The following TSG101 variants were observed in gnomAD, a reference collection of about 807,000 sequenced individuals.
The protein encoded by TSG101 is tumor susceptibility 101.
In TSG101, 19 loss-of-function variants were observed where a neutral mutation model predicts 48.5. The ratio of observed to expected loss-of-function variants is 0.39; its 90% CI spans 0.27 to 0.58. The LOEUF is 0.58. Among genes scored for constraint, TSG101 ranks in the 20% least tolerant of loss-of-function variants. The probability of loss-of-function intolerance (pLI) is 0.55; values close to 1 mark genes in which losing one functional copy is unlikely to be tolerated. For missense variants in TSG101, 365 were observed against 484.4 expected, an observed-to-expected ratio of 0.75 and a Z score of 2.31; for synonymous variants, 174 against 169.4, an observed-to-expected ratio of 1.03 and a Z score of -0.21.
At chr11:18,489,153 C>CA (rs1462882983) in intron 7 of TSG101, among the ~76,000 whole-genome samples, 2 of 149,744 alleles carry the variant, frequency 1.3e-5, no homozygotes, top group African/African-American at 4.9e-5. Context: ...GTTTTGATTT[C>CA]AAAATTTAAA....
intron 4 of TSG101, among the ~76,000 whole-genome samples, chr11:18,512,675 C>G (rs958592264): frequency 1.3e-5 from 2 of 151,036 alleles, no homozygotes; most frequent in African/African-American, 4.9e-5. Flanking sequence ...TATCCTGTGG[C>G]AGGCAGACAG....
chr11:18,526,692 C>G, intron 1 of TSG101, 83 bp downstream of exon 1: 1 of 1,523,546 alleles, frequency 6.6e-7, no homozygotes, highest in Non-Finnish European at 8.8e-7. Flanking sequence ...GGGAAGCTTG[C>G]TTGGCTGGGC....
At chr11:18,519,995 C>T (rs1368335945) in intron 1 of TSG101, among the ~76,000 whole-genome samples, 1 of 152,096 alleles carries the variant, frequency 6.6e-6, no homozygotes, top group African/African-American at 2.4e-5. Context: ...AGTTGTGTAA[C>T]CACCACCATA....
At chr11:18,501,416 T>C (rs952436025) in intron 7 of TSG101, among the ~76,000 whole-genome samples, 4 of 152,220 alleles carry the variant, frequency 2.6e-5, no homozygotes, top group African/African-American at 7.2e-5. Context: ...TGAAAATCAG[T>C]TGGCTGTAAA....
rs1849542383 is a variant in TSG101 at position 18,481,620 on chromosome 11, GAAGA to G, written c.1083+6_1083+9del. On this transcript the variant is annotated splice_donor_region_variant and intron_variant, in intron 9 of 9. Coordinates refer to ENST00000251968, the MANE Select transcript of TSG101 (RefSeq NM_006292.4). ...GTTAAAAAATCTTGGAACGTAAAAT[GAAGA>G]AATACCTTCAGGAAGACATCCAGGT... 4 of 1,605,478 alleles carry G rather than the reference GAAGA, an allele frequency of 2.5e-6. No individual in the cohort carries two copies. The highest frequency in any genetic ancestry group is 3.4e-6 in the Non-Finnish European group (4 of 1,176,082).
At chr11:18,506,672 A>G (rs1849979843) in intron 6 of TSG101, among the ~76,000 whole-genome samples, 185 bp downstream of exon 6, 1 of 152,186 alleles carries the variant, frequency 6.6e-6, no homozygotes, top group Non-Finnish European at 1.5e-5. Context: ...CCTGGGTGAC[A>G]GAGCAAGACT....
At chr11:18,482,838 T>G (rs1283842597) in intron 8 of TSG101, among the ~76,000 whole-genome samples, 1 of 152,192 alleles carries the variant, frequency 6.6e-6, no homozygotes, top group African/African-American at 2.4e-5. Context: ...GTGCAGATCT[T>G]TATCATGGCT....
chr11:18,516,528 T>C (rs1000824460), intron 2 of TSG101, among the ~76,000 whole-genome samples: 11 of 152,058 alleles, frequency 7.2e-5, no homozygotes, highest in Non-Finnish European at 1.3e-4. Flanking sequence ...GTATCTTTAG[T>C]AGAGATGGGG....
At chr11:18,487,879 TG>T (rs1849643603) in intron 7 of TSG101, among the ~76,000 whole-genome samples, 2 of 152,060 alleles carry the variant, frequency 1.3e-5, no homozygotes, top group Non-Finnish European at 2.9e-5. Flanking sequence ...CTTTTTTTTT[TG>T]TATTTGGGTA....
At chr11:18,481,892 A>G (rs1378278975) in intron 8 of TSG101, 23 bp from the exon 9 acceptor site, 1 of 1,609,512 alleles carries the variant, frequency 6.2e-7, no homozygotes. Flanking sequence ...CAGTCCAAGC[A>G]TTAATAACTG....
Position 18,509,538 on chromosome 11 carries a change from T to G in TSG101, c.481+4A>C. The G allele has an allele frequency of 1.2e-6, 2 of 1,611,844 alleles. No homozygotes were observed. The highest frequency in any genetic ancestry group is 1.7e-6 in the Non-Finnish European group (2 of 1,179,104). ...TTTTAAAGTAAAATCTCAATTCTAC[T>G]TACTATTTGGTGGCCCCGTTGCCTG... is the stretch of plus-strand genomic sequence containing the variant. On this transcript the variant is annotated splice_donor_region_variant and intron_variant, in intron 5 of 9. Coordinates refer to ENST00000251968, the MANE Select transcript of TSG101 (RefSeq NM_006292.4).
intron 7 of TSG101, among the ~76,000 whole-genome samples, chr11:18,499,381 AATATATATATATAT>A (rs1229188041): frequency 8.1e-5 from 1 of 12,292 alleles, no homozygotes; most frequent in Non-Finnish European, 1.5e-4. Context: ...TTTATATTTA[AATATATATATATAT>A]ATATATATTT....
At chr11:18,483,751 A>T in intron 8 of TSG101, 119 bp downstream of exon 8, 1 of 1,027,138 alleles carries the variant, frequency 9.7e-7, no homozygotes, top group Non-Finnish European at 1.4e-6. Context: ...TCAAATGTTT[A>T]AAGATGCCTA....
intron 7 of TSG101, chr11:18,490,770 G>T: frequency 3.9e-6 from 2 of 516,112 alleles, no homozygotes; most frequent in Non-Finnish European, 7.7e-6. Context: ...CTCAATGCTG[G>T]AGAAGACATG....
At chr11:18,514,628 AG>A (rs760399464) in intron 4 of TSG101, 49 bp downstream of exon 4, 1 of 1,454,208 alleles carries the variant, frequency 6.9e-7, no homozygotes, top group South Asian at 1.6e-5. Context: ...GATGCTAGTG[AG>A]CAAAATATAT....
At position 18,481,687 on chromosome 11, in the gene TSG101, G is replaced by T. The variant is rs1398936575; in HGVS notation, c.1026C>A (p.Ile342=). ...YAEENAIEDT[I]FYLGEALRRG... ...TTCTCAAGGCTTCTCCCAAGTAAAAGATAGTGTCTTCAATAGCGTTTTCTT... is the reference window on the plus strand; with the variant it reads ...TTCTCAAGGCTTCTCCCAAGTAAAATATAGTGTCTTCAATAGCGTTTTCTT... The change falls in exon 9 of 10, where the codon ATC becomes ATA. Residue 342 remains isoleucine, a synonymous_variant. Transcript: ENST00000251968. 2 of 1,614,130 alleles carry T rather than the reference G, an allele frequency of 1.2e-6. No individual in the cohort carries two copies. The highest frequency in any genetic ancestry group is 1.1e-5 in the South Asian group (1 of 91,084).
chr11:18,496,477 TAAA>T (rs1223301612), intron 7 of TSG101, among the ~76,000 whole-genome samples: 1 of 146,790 alleles, frequency 6.8e-6, no homozygotes, highest in South Asian at 2.2e-4. Flanking sequence ...TAAAATAAAA[TAAA>T]ATAAAATAAA....
At chr11:18,517,995 G>C (rs546050809) in intron 2 of TSG101, among the ~76,000 whole-genome samples, 11 of 152,284 alleles carry the variant, frequency 7.2e-5, no homozygotes, top group African/African-American at 2.6e-4. Context: ...AACTATACAA[G>C]ACTTTATAAT....
intron 1 of TSG101, among the ~76,000 whole-genome samples, chr11:18,522,743 C>T (rs1032416838): frequency 6.6e-6 from 1 of 152,210 alleles, no homozygotes. Flanking sequence ...GCTGTCTAGA[C>T]CCATACCACC....
Sources: allele counts gnomAD v4.1 joint callset (sites outside exome capture counted in the v4.1 genomes callset), GRCh38; gene constraint gnomAD v4.1.1; transcripts MANE v1.5; gene names NCBI Gene and HGNC (gene_info 2026-07-23, HGNC 2026-07-21).